C9orf72: variants seen among roughly 807,000 people sequenced by gnomAD.
C9orf72 encodes the protein guanine nucleotide exchange factor C9orf72.
A neutral mutation model predicts 51.6 loss-of-function variants in C9orf72; 44 were observed. The ratio of observed to expected loss-of-function variants is 0.85; its 90% CI spans 0.67 to 1.10. C9orf72 has a LOEUF of 1.10. Ranked by LOEUF, C9orf72 falls within the 50% of genes least tolerant of loss-of-function variation. The pLI is 0.00. For missense variants in C9orf72, 607 were observed against 570.6 expected, an observed-to-expected ratio of 1.06 and a Z score of -0.65; for synonymous variants, 213 against 194.2, an observed-to-expected ratio of 1.10 and a Z score of -0.81.
At chr9:27,548,692 A>C in intron 9 of C9orf72, 26 bp from the exon 10 acceptor site, 1 of 1,344,924 alleles carries the variant, frequency 7.4e-7, no homozygotes, top group East Asian at 2.3e-5. Context: ...CCATTTCAAC[A>C]CATAATTTGC....
intron 8 of C9orf72, among the ~76,000 whole-genome samples, chr9:27,555,053 C>T (rs1820981846): frequency 6.6e-6 from 1 of 152,084 alleles, no homozygotes; most frequent in Admixed American, 6.6e-5. Context: ...ACTAAATTTC[C>T]TCAAAAAAGC....
rs1205249086 is a variant in C9orf72 at position 27,550,685 on chromosome 9, G to GT, written c.1113dup (p.His372ThrfsTer57). On this transcript the variant is annotated frameshift_variant, in exon 9 of 11. Transcript: ENST00000380003. LOFTEE classifies it high-confidence loss of function. ...AAGGCTTTCACTAGAGTGTCTCTGT[G>GT]TAAGACATCTTGAAAAATATTCCTG... The GT allele has an allele frequency of 6.3e-7, 1 of 1,585,798 alleles. No homozygotes were observed.
intron 8 of C9orf72, chr9:27,554,478 G>A (rs1439376145): frequency 2.3e-5 from 9 of 397,014 alleles, no homozygotes; most frequent in Non-Finnish European, 4.0e-5. Context: ...CAACACCAGG[G>A]CCTACTTGAG....
At position 27,566,789 on chromosome 9, in the gene C9orf72, C is replaced by A; in HGVS notation, c.332G>T (p.Gly111Val). 6.2e-7 allele frequency: 1 copy of A among 1,613,660 alleles called. No individual in the cohort carries two copies. Among genetic ancestry groups the A allele is most frequent in the Non-Finnish European group, 8.5e-7 (1 of 1,179,670 alleles). ...TGTCTGTGGAAGTATAATTGATAGT[C>A]CATATGTGCTGCGATCCCCATTCCA... is the stretch of plus-strand genomic sequence containing the variant. Reference protein sequence around the residue: ...GNWNGDRSTYGLSIILPQTEL... With the variant: ...GNWNGDRSTYVLSIILPQTEL... Residue 111 changes from glycine to valine, a missense_variant, in exon 2 of 11, where the codon GGA (glycine) becomes GTA (valine). Transcript: ENST00000380003.
chr9:27,563,902 A>C (rs1337648423), intron 3 of C9orf72, among the ~76,000 whole-genome samples: 1 of 152,138 alleles, frequency 6.6e-6, no homozygotes, highest in East Asian at 1.9e-4. Context: ...CTTCCCTGTG[A>C]AGCAATTTTA....
chr9:27,550,693 T>A lies in C9orf72; in HGVS notation c.1106A>T (p.Asp369Val). Residue 369 changes from aspartate to valine, a missense_variant, in exon 9 of 11, where the codon GAT (aspartate) becomes GTT (valine). By Grantham distance (152) the Asp-to-Val change is radical. Transcript: ENST00000380003. ...CACTAGAGTGTCTCTGTGTAAGACA[T>A]CTTGAAAAATATTCCTGAAGAAAAG... The part of the protein sequence containing the change: ...SFTPDLNIFQ[D>V]VLHRDTLVKA... 6.3e-7 allele frequency: 1 copy of A among 1,581,650 alleles called. No individual in the cohort carries two copies. The highest frequency in any genetic ancestry group is 8.6e-7 in the Non-Finnish European group (1 of 1,159,872).
In C9orf72 at chr9:27,562,345, C is replaced by T. The variant is rs372288918; in HGVS notation, c.600+36G>A. The T allele has an allele frequency of 9.2e-5, 101 of 1,092,856 alleles. 1 individual carries two copies. The highest frequency in any genetic ancestry group is 4.9e-4 in the East Asian group (19 of 39,152). 67.7% of individuals were successfully genotyped at this position (1,092,856 alleles called of 1,614,324 possible). A position where few individuals can be genotyped will look rare whatever the true frequency, so the allele number is the denominator to read the frequency against. Reference sequence around the variant, plus strand: ...ATAATAATACTATAACCCCAAAAAACTCATAAAGTGTATAATTGCTCTCAT... The same window carrying T: ...ATAATAATACTATAACCCCAAAAAATTCATAAAGTGTATAATTGCTCTCAT... On this transcript the variant is annotated intron_variant, in intron 4 of 10. Coordinates refer to ENST00000380003, the MANE Select transcript of C9orf72 (RefSeq NM_018325.5).
At chr9:27,568,222 G>A (rs185176488) in intron 1 of C9orf72, among the ~76,000 whole-genome samples, 131 of 151,710 alleles carry the variant, frequency 8.6e-4, no homozygotes, top group African/African-American at 2.9e-3. Flanking sequence ...TGTTTAAAAC[G>A]ACATTGAAGT....
Position 27,565,601 on chromosome 9 carries a change from G to A in C9orf72, c.445-11C>T. On this transcript the variant is annotated splice_polypyrimidine_tract_variant and intron_variant, in intron 2 of 10. Transcript: ENST00000380003. ...ATTTTCTTGTCTTTCCTGAGCAAGA[G>A]AAAATTTATTTAAAAAAACAACCCA... 1 of 1,573,890 alleles carries A rather than the reference G, an allele frequency of 6.4e-7. No homozygotes were observed. The highest frequency in any genetic ancestry group is 8.7e-7 in the Non-Finnish European group (1 of 1,150,262).
At chr9:27,562,869 C>T (rs183340977) in intron 3 of C9orf72, among the ~76,000 whole-genome samples, 2 of 152,090 alleles carry the variant, frequency 1.3e-5, no homozygotes, top group African/African-American at 4.8e-5. Context: ...CGGGGTTTCG[C>T]CATGTTGGCC....
At chr9:27,558,438 C>A (rs1819261207) in intron 7 of C9orf72, 53 bp downstream of exon 7, 3 of 956,462 alleles carry the variant, frequency 3.1e-6, no homozygotes, top group Non-Finnish European at 4.9e-6. Context: ...TATAAAGAGT[C>A]TCAAAAATGA....
intron 8 of C9orf72, among the ~76,000 whole-genome samples, chr9:27,555,619 T>C (rs1439371609): frequency 1.3e-5 from 2 of 151,442 alleles, no homozygotes; most frequent in East Asian, 3.9e-4. Flanking sequence ...TGGAGTACAC[T>C]GGCACATCAT....
Position 27,566,670 on chromosome 9 carries a change from C to A in C9orf72, c.444+7G>T. On this transcript the variant is annotated splice_region_variant and intron_variant, in intron 2 of 10. Transcript: ENST00000380003. Reference sequence around the variant, plus strand: ...TAACATGATTAATAAGCTGAAAAATCACTTACCTTATGCATCCATATTCTT... The same window carrying A: ...TAACATGATTAATAAGCTGAAAAATAACTTACCTTATGCATCCATATTCTT... 3 of 1,563,590 alleles carry A rather than the reference C, an allele frequency of 1.9e-6. No homozygotes were observed. Among genetic ancestry groups the A allele is most frequent in the South Asian group, 2.3e-5 (2 of 85,692 alleles).
intron 2 of C9orf72, among the ~76,000 whole-genome samples, chr9:27,565,804 G>A (rs997181529): frequency 1.3e-5 from 2 of 152,084 alleles, no homozygotes; most frequent in Middle Eastern, 3.4e-3. Context: ...TTATTCTGCA[G>A]TGAAAAAAAG....
Position 27,573,449 on chromosome 9 carries a change from G to C in C9orf72, c.-63C>G, listed in dbSNP as rs1294844460. On this transcript the variant is annotated 5_prime_UTR_variant, in exon 1 of 11. Transcript: ENST00000380003. ...CACTCACCCACTCGCCACCGCCTGC[G>C]CCTCCGCCGCCGCGGGCGCAGGCAC... 1 of 149,122 alleles carries C rather than the reference G, an allele frequency of 6.7e-6. No homozygotes were observed. The highest frequency in any genetic ancestry group is 2.5e-5 in the African/African-American group (1 of 40,606). 9.2% of individuals were successfully genotyped at this position (149,122 alleles called of 1,614,324 possible). A position where few individuals can be genotyped will look rare whatever the true frequency, so the allele number is the denominator to read the frequency against.
chr9:27,557,081 T>A (rs1819219449), intron 7 of C9orf72, among the ~76,000 whole-genome samples: 1 of 152,194 alleles, frequency 6.6e-6, no homozygotes. Context: ...GAAGTTTGTG[T>A]TGATATTCAA....
chr9:27,551,772 G>A (rs995847932), intron 8 of C9orf72, among the ~76,000 whole-genome samples: 3 of 152,208 alleles, frequency 2.0e-5, no homozygotes, highest in Non-Finnish European at 4.4e-5. Flanking sequence ...TCCACTGAAT[G>A]AGTATCTTCA....
rs139352974 is a variant in C9orf72, at chr9:27,550,641, A to G, written c.1149+9T>C. On this transcript the variant is annotated intron_variant, in intron 9 of 10. Transcript: ENST00000380003. ...CATTCACTCTGACAATCTCAAGTTC[A>G]ACATTTACCTGATCCAGGAAGGCTT... is the stretch of plus-strand genomic sequence containing the variant. 1,008 of 1,552,364 alleles carry G rather than the reference A, an allele frequency of 6.5e-4. 11 individuals carry two copies. The East Asian group carries it at 0.019, about 29-fold the overall frequency.
At chr9:27,550,971 TC>T (rs1174906361) in intron 8 of C9orf72, among the ~76,000 whole-genome samples, 2 of 152,072 alleles carry the variant, frequency 1.3e-5, no homozygotes, top group African/African-American at 2.4e-5. Context: ...ATATAAGCAG[TC>T]CCCAGTAAGG....
Sources: gnomAD v4.1 joint callset for allele counts (sites outside exome capture counted in the v4.1 genomes callset) on GRCh38, gnomAD v4.1.1 for gene constraint, MANE v1.5 for transcripts, NCBI Gene and HGNC (gene_info 2026-07-23, HGNC 2026-07-21) for gene names.